The following CPQ variants were observed in gnomAD, a reference collection of about 807,000 sequenced individuals.
CPQ encodes carboxypeptidase Q, also known as Ser-Met dipeptidase.
Under a neutral mutation model 45.7 loss-of-function variants are expected in CPQ, and 37 were observed. That is an observed-to-expected ratio of 0.81 (90% CI 0.62 to 1.07). The LOEUF is 1.07. CPQ is among the 50% of genes least tolerant of loss of function. The pLI is 0.00. For missense variants in CPQ, 537 were observed against 572.9 expected (o/e 0.94, Z 0.64); for synonymous variants, 186 against 205.8 (o/e 0.90, Z 0.82).
chr8:96,844,041 T>C lies in CPQ; in HGVS notation c.641+8861T>C, dbSNP rs115267048. ...TATATAAACGTTAACCTTCTGTTTT[T>C]CAGCTTTTTTATTTATCAAAAGCAC... On this transcript the variant is annotated intron_variant, in intron 3 of 7. Coordinates refer to ENST00000220763, the MANE Select transcript of CPQ (RefSeq NM_016134.4). Among the ~76,000 whole-genome samples the C allele has an allele frequency of 8.6e-3, 1,307 of 152,380 alleles. 11 individuals are homozygous for C. Among genetic ancestry groups the C allele is most frequent in the African/African-American group, 0.027 (1,110 of 41,592 alleles).
chr8:96,832,647 G>A (rs1277112162), intron 2 of CPQ, among the ~76,000 whole-genome samples: 1 of 152,170 alleles, frequency 6.6e-6, no homozygotes, highest in Non-Finnish European at 1.5e-5. Context: ...GGAGACAAGA[G>A]GCCAGGGAAT....
intron 3 of CPQ, among the ~76,000 whole-genome samples, chr8:96,845,378 A>C (rs1168507650): frequency 3.3e-5 from 5 of 152,236 alleles, no homozygotes; most frequent in African/African-American, 1.2e-4. Flanking sequence ...GGCACAGGGC[A>C]GGTACTTAAG....
intron 7 of CPQ, among the ~76,000 whole-genome samples, chr8:97,141,848 C>T (rs1485071616): frequency 6.6e-6 from 1 of 152,030 alleles, no homozygotes; most frequent in Non-Finnish European, 1.5e-5. Flanking sequence ...ATGGAAAAAG[C>T]AAGCTAAAGA....
intron 4 of CPQ, among the ~76,000 whole-genome samples, chr8:96,935,774 A>G (rs1217571045): frequency 6.6e-6 from 1 of 152,194 alleles, no homozygotes; most frequent in African/African-American, 2.4e-5. Context: ...AGCACAAAAT[A>G]TCTACTTTGT....
chr8:96,789,369 A>G (rs1465928399), intron 2 of CPQ, among the ~76,000 whole-genome samples: 1 of 152,042 alleles, frequency 6.6e-6, no homozygotes. Context: ...TAACTCTGTG[A>G]TGTCTATTTC....
intron 4 of CPQ, among the ~76,000 whole-genome samples, chr8:96,917,394 T>C (rs1406428829): frequency 1.3e-5 from 2 of 152,166 alleles, no homozygotes; most frequent in African/African-American, 4.8e-5. Context: ...CATTGGGAAC[T>C]CTTTCAGTGG....
At chr8:96,780,250 A>C (rs1465519301) in intron 1 of CPQ, among the ~76,000 whole-genome samples, 1 of 152,174 alleles carries the variant, frequency 6.6e-6, no homozygotes, top group African/African-American at 2.4e-5. Flanking sequence ...TGGTGCAAAT[A>C]ACTCTGGGGT....
chr8:96,703,572 A>C (rs1317156645), intron 1 of CPQ, among the ~76,000 whole-genome samples: 1 of 152,146 alleles, frequency 6.6e-6, no homozygotes, highest in Non-Finnish European at 1.5e-5. Context: ...ATAACCTATG[A>C]GGCAAGCAAG....
intron 1 of CPQ, among the ~76,000 whole-genome samples, chr8:96,707,016 A>T (rs1809538647): frequency 6.6e-6 from 1 of 152,068 alleles, no homozygotes; most frequent in Non-Finnish European, 1.5e-5. Flanking sequence ...CCCAGAATTT[A>T]TTTGATTTAG....
At chr8:97,080,443 G>GA (rs1157799626) in intron 7 of CPQ, among the ~76,000 whole-genome samples, 2 of 152,112 alleles carry the variant, frequency 1.3e-5, no homozygotes, top group African/African-American at 4.8e-5. Flanking sequence ...GAAATCACAG[G>GA]AAAAACATCA....
Position 96,887,893 on chromosome 8 carries a change from C to T in CPQ, c.849+7888C>T, listed in dbSNP as rs1173597633. 2.0e-5 allele frequency among the ~76,000 whole-genome samples: 3 copies of T among 151,892 alleles called. No homozygotes were observed. In the East Asian group the frequency reaches 5.8e-4, roughly 29 times the overall value. Reference sequence around the variant, plus strand: ...CAGTTATTTTCATGCATTCAAAGAACAAATTCAGTTTTATATGCCAGTATT... The same window carrying T: ...CAGTTATTTTCATGCATTCAAAGAATAAATTCAGTTTTATATGCCAGTATT... On this transcript the variant is annotated intron_variant, in intron 4 of 7. Transcript: ENST00000220763.
At chr8:96,670,401 A>C (rs539213307) in intron 1 of CPQ, among the ~76,000 whole-genome samples, 1 of 152,096 alleles carries the variant, frequency 6.6e-6, no homozygotes, top group Admixed American at 6.6e-5. Context: ...TGGGGTTACA[A>C]ATAAATTTTA....
intron 2 of CPQ, among the ~76,000 whole-genome samples, chr8:96,822,549 A>G (rs1389383132): frequency 1.3e-5 from 2 of 151,992 alleles, no homozygotes; most frequent in African/African-American, 4.8e-5. Context: ...TCAACAGTGT[A>G]CAAGGATTCC....
At chr8:97,022,214 A>T (rs1355155717) in intron 5 of CPQ, among the ~76,000 whole-genome samples, 1 of 152,226 alleles carries the variant, frequency 6.6e-6, no homozygotes, top group African/African-American at 2.4e-5. Flanking sequence ...CTCATCTCTC[A>T]CCTTATACAA....
intron 3 of CPQ, among the ~76,000 whole-genome samples, chr8:96,872,228 A>G (rs1812080084): frequency 6.6e-6 from 1 of 151,940 alleles, no homozygotes; most frequent in Admixed American, 6.6e-5. Context: ...TATATACATA[A>G]CCTAAAGGTA....
intron 4 of CPQ, among the ~76,000 whole-genome samples, chr8:96,926,625 C>CCTTCTCCTTCTTCTTCTTCTTCTT (rs1554578121): frequency 2.7e-4 from 16 of 58,496 alleles, no homozygotes; most frequent in African/African-American, 9.4e-4. Context: ...TTCTTCTTCT[C>CCTTCTCCTTCTTCTTCTTCTTCTT]CTCCTTCTCC....
chr8:96,909,747 C>A (rs1051668368), intron 4 of CPQ, among the ~76,000 whole-genome samples: 3 of 152,228 alleles, frequency 2.0e-5, no homozygotes, highest in Admixed American at 2.0e-4. Flanking sequence ...CTCTGGTAGC[C>A]AGCCTGCCTG....
intron 1 of CPQ, among the ~76,000 whole-genome samples, chr8:96,686,568 T>C (rs1809230753): frequency 6.6e-6 from 1 of 152,024 alleles, no homozygotes; most frequent in South Asian, 2.1e-4. Flanking sequence ...TGGTATATTA[T>C]ACTTTAATGT....
chr8:96,751,863 C>T (rs1810266761), intron 1 of CPQ, among the ~76,000 whole-genome samples: 1 of 152,146 alleles, frequency 6.6e-6, no homozygotes, highest in Non-Finnish European at 1.5e-5. Flanking sequence ...TATGGCTAGC[C>T]AGTTCTCCCA....
Sources: gnomAD v4.1 joint callset for allele counts (sites outside exome capture counted in the v4.1 genomes callset) on GRCh38, gnomAD v4.1.1 for gene constraint, MANE v1.5 for transcripts, NCBI Gene and HGNC (gene_info 2026-07-23, HGNC 2026-07-21) for gene names.